SELENOF: variants seen among roughly 807,000 people sequenced by gnomAD.
The protein encoded by SELENOF is 15 kDa selenoprotein.
In SELENOF, 16 loss-of-function variants were observed where a neutral mutation model predicts 20.5. That is an observed-to-expected ratio of 0.78 (90% CI 0.53 to 1.19). SELENOF has a LOEUF of 1.19. Among genes scored for constraint, SELENOF ranks in the 50% most tolerant of loss-of-function variants. The probability of loss-of-function intolerance (pLI) is 0.00; values close to 1 mark genes in which losing one functional copy is unlikely to be tolerated. For missense variants in SELENOF, 215 were observed against 194.2 expected (o/e 1.11, Z -0.64); for synonymous variants, 78 against 74.5 (o/e 1.05, Z -0.24).
chr1:86,887,179 A>G (rs1659242083), intron 2 of SELENOF: 4 of 1,543,088 alleles, frequency 2.6e-6, no homozygotes, highest in Non-Finnish European at 3.5e-6. Flanking sequence ...ATTCTTGCTT[A>G]GAAACAATGG....
intron 2 of SELENOF, among the ~76,000 whole-genome samples, chr1:86,881,008 T>C (rs975367666): frequency 2.6e-5 from 4 of 152,152 alleles, no homozygotes; most frequent in African/African-American, 4.8e-5. Flanking sequence ...CAATAAACTT[T>C]AAATAGGTAA....
rs1398796449 is a variant in SELENOF, at chr1:86,903,361, G to A, written c.172C>T (p.Leu58Phe). 6.2e-7 allele frequency: 1 copy of A among 1,612,154 alleles called. No individual in the cohort carries two copies. The highest frequency in any genetic ancestry group is 1.3e-5 in the African/African-American group (1 of 74,890). The change falls in exon 2 of 5, where the codon CTC (leucine) becomes TTC (phenylalanine). Residue 58 changes from leucine to phenylalanine, a missense_variant. Transcript: ENST00000331835. ...SNLLCSSCDL[L>F]GQFNLLQLDP... Reference sequence around the variant, plus strand: ...AGCTGAAGCAGGTTGAACTGTCCGAGAAGATCACAAGAGCTGCAAAGCAAG... The same window carrying A: ...AGCTGAAGCAGGTTGAACTGTCCGAAAAGATCACAAGAGCTGCAAAGCAAG...
At chr1:86,902,705 T>C (rs549272774) in intron 2 of SELENOF, among the ~76,000 whole-genome samples, 27 of 152,346 alleles carry the variant, frequency 1.8e-4, no homozygotes, top group Non-Finnish European at 2.8e-4. Flanking sequence ...CACTATTAAT[T>C]TGTTTGAACA....
chr1:86,908,053 T>C (rs1190197558), intron 1 of SELENOF, among the ~76,000 whole-genome samples: 1 of 152,172 alleles, frequency 6.6e-6, no homozygotes, highest in Non-Finnish European at 1.5e-5. Context: ...CTCACTGTTT[T>C]ATTTTTCCAG....
intron 2 of SELENOF, among the ~76,000 whole-genome samples, chr1:86,890,109 C>T (rs1406864380): frequency 6.6e-6 from 1 of 152,104 alleles, no homozygotes; most frequent in East Asian, 1.9e-4. Flanking sequence ...ATTATTTGGC[C>T]CCTGCTTACC....
chr1:86,891,945 T>C (rs78258908), intron 2 of SELENOF, among the ~76,000 whole-genome samples: 2 of 147,194 alleles, frequency 1.4e-5, no homozygotes, highest in South Asian at 2.1e-4. Flanking sequence ...TTTTTTTTTT[T>C]CTAGAGATGA....
chr1:86,871,024 C>T (rs1314347263), intron 3 of SELENOF, among the ~76,000 whole-genome samples: 1 of 152,028 alleles, frequency 6.6e-6, no homozygotes, highest in Non-Finnish European at 1.5e-5. Context: ...CTTTCCTTTT[C>T]TCTCTCTGCT....
chr1:86,893,450 CA>C (rs10714134), intron 2 of SELENOF, among the ~76,000 whole-genome samples: 26,536 of 90,468 alleles, frequency 0.29, 2,935 homozygotes, highest in African/African-American at 0.41. Context: ...TACTAAAATA[CA>C]AAAAAAAAAA....
chr1:86,881,712 T>G (rs1466624994), intron 2 of SELENOF, among the ~76,000 whole-genome samples: 2 of 152,192 alleles, frequency 1.3e-5, no homozygotes, highest in African/African-American at 4.8e-5. Context: ...CATAAAGTAG[T>G]GATTAAAAAA....
intron 1 of SELENOF, among the ~76,000 whole-genome samples, chr1:86,913,306 T>A (rs1045326351): frequency 6.6e-6 from 1 of 152,134 alleles, no homozygotes; most frequent in South Asian, 2.1e-4. Context: ...CAGCAGAACA[T>A]GGATATGAGA....
intron 3 of SELENOF, among the ~76,000 whole-genome samples, chr1:86,871,774 A>T (rs1570374477): frequency 6.6e-6 from 1 of 151,768 alleles, no homozygotes; most frequent in African/African-American, 2.4e-5. Flanking sequence ...GGTGAATTTT[A>T]AAATTGTATA....
Position 86,863,388 on chromosome 1 carries a change from A to C in SELENOF, c.*86T>G. ...CTCAAGTAAAAGACTGATCAATGGA[A>C]GCAAGCAAAACTAAATTATTTTCTA... On this transcript the variant is annotated 3_prime_UTR_variant, in exon 5 of 5. Coordinates refer to ENST00000331835, the MANE Select transcript of SELENOF (RefSeq NM_004261.5). 1 of 1,177,390 alleles carries C rather than the reference A, an allele frequency of 8.5e-7. No individual in the cohort carries two copies. Among genetic ancestry groups the C allele is most frequent in the Non-Finnish European group, 1.2e-6 (1 of 836,322 alleles). 72.9% of individuals were successfully genotyped at this position (1,177,390 alleles called of 1,614,324 possible).
intron 1 of SELENOF, among the ~76,000 whole-genome samples, chr1:86,912,768 A>G (rs1322998894): frequency 6.6e-6 from 1 of 152,206 alleles, no homozygotes; most frequent in Non-Finnish European, 1.5e-5. Flanking sequence ...AAAAGCATAA[A>G]TGAGGCCAGG....
At chr1:86,901,764 C>A (rs752814714) in intron 2 of SELENOF, among the ~76,000 whole-genome samples, 2 of 151,800 alleles carry the variant, frequency 1.3e-5, no homozygotes, top group Non-Finnish European at 2.9e-5. Flanking sequence ...AAAATTATAC[C>A]AAAAAACTGG....
At chr1:86,887,440 G>A (rs894477731) in intron 2 of SELENOF, among the ~76,000 whole-genome samples, 1 of 152,028 alleles carries the variant, frequency 6.6e-6, no homozygotes, top group Admixed American at 6.6e-5. Flanking sequence ...TTGAAACTGA[G>A]AAGAAAAGTT....
At chr1:86,896,539 A>C (rs1457835436) in intron 2 of SELENOF, among the ~76,000 whole-genome samples, 1 of 152,238 alleles carries the variant, frequency 6.6e-6, no homozygotes, top group African/African-American at 2.4e-5. Context: ...ATGTATCCCA[A>C]GAAAATCCCA....
At chr1:86,889,357 A>G (rs1202743880) in intron 2 of SELENOF, among the ~76,000 whole-genome samples, 1 of 152,088 alleles carries the variant, frequency 6.6e-6, no homozygotes, top group Non-Finnish European at 1.5e-5. Context: ...GCATTTTGGG[A>G]GGCGGAGCTG....
At chr1:86,890,221 A>G (rs919230301) in intron 2 of SELENOF, among the ~76,000 whole-genome samples, 3 of 152,124 alleles carry the variant, frequency 2.0e-5, no homozygotes, top group Non-Finnish European at 4.4e-5. Flanking sequence ...CTTTTGCGAG[A>G]GAAAAGGCCT....
intron 2 of SELENOF, among the ~76,000 whole-genome samples, chr1:86,901,444 A>G (rs1659704282): frequency 6.6e-6 from 1 of 151,838 alleles, no homozygotes; most frequent in African/African-American, 2.4e-5. Flanking sequence ...AAAAAAATTC[A>G]CCAGTTTTGT....
Sources: gnomAD v4.1 joint callset for allele counts (sites outside exome capture counted in the v4.1 genomes callset) on GRCh38, gnomAD v4.1.1 for gene constraint, MANE v1.5 for transcripts, NCBI Gene and HGNC (gene_info 2026-07-23, HGNC 2026-07-21) for gene names.